PCNX2: variants seen among roughly 807,000 people sequenced by gnomAD.
The protein encoded by PCNX2 is pecanex 2.
In PCNX2, 168 loss-of-function variants were observed where a neutral mutation model predicts 223.8. The ratio of observed to expected loss-of-function variants is 0.75; its 90% CI spans 0.66 to 0.85. PCNX2 has a LOEUF of 0.85. Among genes scored for constraint, PCNX2 ranks in the 40% least tolerant of loss-of-function variants. The probability of loss-of-function intolerance (pLI) is 0.00; values close to 1 mark genes in which losing one functional copy is unlikely to be tolerated. For missense variants in PCNX2, 2,507 were observed against 2,675.5 expected (o/e 0.94, Z 1.39); for synonymous variants, 1,006 against 1,052.6 (o/e 0.96, Z 0.86).
chr1:233,187,563 T>G (rs1463817180), intron 15 of PCNX2, among the ~76,000 whole-genome samples: 1 of 152,198 alleles, frequency 6.6e-6, no homozygotes, highest in Non-Finnish European at 1.5e-5. Context: ...GTCCAAATCT[T>G]ACTTCACTCA....
At chr1:233,291,476 C>T (rs142187751) in intron 1 of PCNX2, among the ~76,000 whole-genome samples, 4 of 152,088 alleles carry the variant, frequency 2.6e-5, no homozygotes, top group African/African-American at 4.8e-5. Context: ...AGGGTGGTGG[C>T]GCATGCCTGT....
At chr1:233,246,963 G>C (rs1258454314) in intron 8 of PCNX2, among the ~76,000 whole-genome samples, 1 of 152,202 alleles carries the variant, frequency 6.6e-6, no homozygotes, top group Non-Finnish European at 1.5e-5. Context: ...ATGGGCTTCT[G>C]CAAAAGACAA....
intron 21 of PCNX2, among the ~76,000 whole-genome samples, chr1:233,105,977 T>C (rs1674746832): frequency 6.6e-6 from 1 of 152,152 alleles, no homozygotes; most frequent in African/African-American, 2.4e-5. Context: ...TGTTTCTGCA[T>C]GTGTTGGGGT....
chr1:233,075,696 A>AACACACACACACACACAC (rs369431993), intron 23 of PCNX2, among the ~76,000 whole-genome samples: 7 of 137,242 alleles, frequency 5.1e-5, no homozygotes, highest in African/African-American at 1.9e-4. Flanking sequence ...GTTAGCTTAA[A>AACACACACACACACACAC]ACACACACAC....
rs138924979 is a variant in PCNX2 at position 232,992,714 on chromosome 1, T to A, written c.5791+5537A>T. ...CTCTGGTCTCCACCCAAATTTGATC[T>A]TGAATTGTAATCCCCATGTGTTGAG... On this transcript the variant is annotated intron_variant, in intron 32 of 33. Transcript: ENST00000258229. Among the ~76,000 whole-genome samples the A allele has an allele frequency of 1.8e-3, 276 of 152,300 alleles. 1 individual carries two copies. Among genetic ancestry groups the A allele is most frequent in the African/African-American group, 6.2e-3 (257 of 41,556 alleles).
chr1:233,007,798 C>T (rs1470388305), intron 28 of PCNX2, among the ~76,000 whole-genome samples: 1 of 152,048 alleles, frequency 6.6e-6, no homozygotes, highest in Admixed American at 6.6e-5. Context: ...CCTCAGCCTC[C>T]CTGAGCAGTT....
At chr1:233,148,435 T>C (rs1331980040) in intron 19 of PCNX2, among the ~76,000 whole-genome samples, 1 of 151,684 alleles carries the variant, frequency 6.6e-6, no homozygotes, top group East Asian at 1.9e-4. Context: ...CTTTTCTTTT[T>C]TTTTTTTTGT....
chr1:233,206,817 C>A (rs1681494533), intron 13 of PCNX2, among the ~76,000 whole-genome samples: 1 of 151,748 alleles, frequency 6.6e-6, no homozygotes, highest in South Asian at 2.1e-4. Context: ...GTCAGACCAG[C>A]CTGGCCAATA....
At chr1:233,240,657 A>G (rs1159882924) in intron 8 of PCNX2, among the ~76,000 whole-genome samples, 1 of 152,208 alleles carries the variant, frequency 6.6e-6, no homozygotes, top group Admixed American at 6.5e-5. Flanking sequence ...AGCTCCAAGC[A>G]ATAGCAGAAA....
At chr1:233,264,677 C>A (rs531489738) in intron 1 of PCNX2, among the ~76,000 whole-genome samples, 1 of 152,042 alleles carries the variant, frequency 6.6e-6, no homozygotes, top group Non-Finnish European at 1.5e-5. Context: ...TAAGATGATA[C>A]AAGCTAGATA....
chr1:233,177,799 C>T lies in PCNX2; in HGVS notation c.3273+3G>A, dbSNP rs1176262593. ...GCTACATTACACAACGCAAATGTCT[C>T]ACCACTGAATCTTTCATCTTCTTGG... On this transcript the variant is annotated splice_donor_region_variant and intron_variant, in intron 17 of 33. Coordinates refer to ENST00000258229, the MANE Select transcript of PCNX2 (RefSeq NM_014801.4). 6.2e-7 allele frequency: 1 copy of T among 1,610,732 alleles called. No homozygotes were observed. Among genetic ancestry groups the T allele is most frequent in the Admixed American group, 1.7e-5 (1 of 59,976 alleles).
In PCNX2 at chr1:233,018,498, G is replaced by A. The variant is rs188310101; in HGVS notation, c.4606-1344C>T. ...CCCACTTGGGGAAAATGCCTCCCTT[G>A]GGCTTGATTATTATGAGTAACAGCT... On this transcript the variant is annotated intron_variant, in intron 26 of 33. Transcript: ENST00000258229. Among the ~76,000 whole-genome samples the A allele has an allele frequency of 4.6e-5, 7 of 152,206 alleles. No individual in the cohort carries two copies. In the East Asian group the frequency reaches 7.7e-4, roughly 17 times the overall value.
chr1:233,285,739 T>C (rs890815452), intron 1 of PCNX2, among the ~76,000 whole-genome samples: 1 of 152,242 alleles, frequency 6.6e-6, no homozygotes, highest in African/African-American at 2.4e-5. Flanking sequence ...AGGTTGGTTA[T>C]TACTTCAGCA....
rs779286058 is a variant in PCNX2, at chr1:233,090,166, G to A, written c.3971C>T (p.Thr1324Met). ...GGTAGAAAAGATTGATGTGGCAATC[G>A]TCTGAAAGAAAAGCATGGCAGAATC... ...IPHSAMLFFQ[T>M]IATSIFSTPL... Residue 1324 changes from threonine (T) to methionine (M), a missense_variant, in exon 23 of 34, where the codon ACG (threonine) becomes ATG (methionine). Coordinates refer to ENST00000258229, the MANE Select transcript of PCNX2 (RefSeq NM_014801.4). The A allele has an allele frequency of 8.9e-5, 143 of 1,613,208 alleles. No homozygotes were observed. The South Asian group carries it at 1.2e-3, about 13-fold the overall frequency.
At chr1:233,145,089 C>G (rs1677362265) in intron 19 of PCNX2, among the ~76,000 whole-genome samples, 1 of 151,650 alleles carries the variant, frequency 6.6e-6, no homozygotes, top group South Asian at 2.1e-4. Flanking sequence ...CTCAGCCTCC[C>G]AAGTGGCTGG....
Position 233,047,250 on chromosome 1 carries a change from C to T in PCNX2, c.4351+7018G>A, listed in dbSNP as rs917264155. 21 of 512,342 alleles carry T rather than the reference C, an allele frequency of 4.1e-5. No homozygotes were observed. The African/African-American group carries it at 4.4e-4, about 11-fold the overall frequency. The allele number at this position is 512,342 out of a possible 1,614,324, so 31.7% of individuals were successfully genotyped here. ...CCTAAACCACGAAGTTCTGTGGTGG[C>T]TGGTTATGCCTCAAGATATAATTGA... On this transcript the variant is annotated intron_variant, in intron 25 of 33. Transcript: ENST00000258229.
At chr1:233,102,824 A>T (rs1293923443) in intron 21 of PCNX2, among the ~76,000 whole-genome samples, 1 of 151,772 alleles carries the variant, frequency 6.6e-6, no homozygotes, top group African/African-American at 2.4e-5. Flanking sequence ...TTGTCTCTTC[A>T]CTTTGTTTAT....
At chr1:233,136,071 T>C (rs990159535) in intron 20 of PCNX2, among the ~76,000 whole-genome samples, 1 of 152,350 alleles carries the variant, frequency 6.6e-6, no homozygotes, top group East Asian at 1.9e-4. Context: ...GGAGGGCAAA[T>C]GATCACATGC....
intron 9 of PCNX2, among the ~76,000 whole-genome samples, chr1:233,233,887 A>G (rs986575303): frequency 6.6e-6 from 1 of 152,028 alleles, no homozygotes; most frequent in Non-Finnish European, 1.5e-5. Flanking sequence ...CCCTTTGGCC[A>G]GGTCGTTTCT....
Sources: allele counts gnomAD v4.1 joint callset (sites outside exome capture counted in the v4.1 genomes callset), GRCh38; gene constraint gnomAD v4.1.1; transcripts MANE v1.5; gene names NCBI Gene and HGNC (gene_info 2026-07-23, HGNC 2026-07-21).